The following TNFAIP8 variants were observed in gnomAD, a reference collection of about 807,000 sequenced individuals.
TNFAIP8 encodes the protein tumor necrosis factor alpha-induced protein 8.
TNFAIP8 carries 7 observed loss-of-function variants against 13.3 expected under a neutral mutation model. That is an observed-to-expected ratio of 0.52 (90% CI 0.30 to 0.99). The LOEUF (loss-of-function observed/expected upper bound fraction) is 0.99, where lower values mean the gene tolerates loss of function less well. Ranked by LOEUF, TNFAIP8 falls within the 50% of genes least tolerant of loss-of-function variation. The pLI, the probability that TNFAIP8 is intolerant of heterozygous loss-of-function variation, is 0.07. For synonymous variants in TNFAIP8, 94 were observed against 87.6 expected (o/e 1.07, Z -0.41); for missense variants, 258 against 236.9 (o/e 1.09, Z -0.58).
At position 119,287,560 on chromosome 5, in the gene TNFAIP8, A is replaced by T. The variant is rs149607606; in HGVS notation, c.1+18653A>T. ...TATATTAGATCTCCAGAACTTACTC[A>T]TCTTATAACTGAAGGTTTGTATCAA... On this transcript the variant is annotated intron_variant, in intron 1 of 1. Coordinates refer to the TNFAIP8 transcript ENST00000274456. Among the ~76,000 whole-genome samples, 348 of 152,138 alleles carry T rather than the reference A, an allele frequency of 2.3e-3. 6 individuals are homozygous for T. The highest frequency in any genetic ancestry group is 7.4e-3 in the African/African-American group (306 of 41,500).
intron 1 of TNFAIP8, among the ~76,000 whole-genome samples, chr5:119,285,024 A>C (rs1363141252): frequency 6.6e-6 from 1 of 151,574 alleles, no homozygotes; most frequent in Non-Finnish European, 1.5e-5. Context: ...TTTTTTTTCT[A>C]ATTTAAAGCA....
chr5:119,396,818 C>T lies in TNFAIP8; in HGVS notation c.*3437C>T, dbSNP rs779112025. The T allele has an allele frequency of 1.3e-5, 2 of 151,562 alleles. No individual in the cohort carries two copies. Among genetic ancestry groups the T allele is most frequent in the Non-Finnish European group, 2.9e-5 (2 of 67,934 alleles). 9.4% of individuals were successfully genotyped at this position (151,562 alleles called of 1,614,324 possible). A position where few individuals can be genotyped will look rare whatever the true frequency, so the allele number is the denominator to read the frequency against. On this transcript the variant is annotated 3_prime_UTR_variant, in exon 2 of 2. Transcript: ENST00000504771. ...GACCAGCCTGGCCAACGTGGTGAAA[C>T]CCCACTGCTACTAAAAATACACAAG...
At chr5:119,371,776 G>A (rs535423852) in intron 1 of TNFAIP8, among the ~76,000 whole-genome samples, 1 of 151,762 alleles carries the variant, frequency 6.6e-6, no homozygotes, top group East Asian at 1.9e-4. Flanking sequence ...CTGTAATCCT[G>A]GCACTTTGGG....
intron 1 of TNFAIP8, among the ~76,000 whole-genome samples, chr5:119,327,172 C>G (rs1181585286): frequency 6.6e-6 from 1 of 152,146 alleles, no homozygotes; most frequent in African/African-American, 2.4e-5. Context: ...TCCCAGACCC[C>G]CATTGGGAAT....
intron 1 of TNFAIP8, chr5:119,333,746 G>C (rs1337202126): frequency 2.1e-6 from 2 of 935,158 alleles, no homozygotes; most frequent in Non-Finnish European, 3.3e-6. Flanking sequence ...ATGTTTGGTC[G>C]TGGCTTTAGA....
chr5:119,341,696 C>T (rs764091500), intron 1 of TNFAIP8, among the ~76,000 whole-genome samples: 4 of 152,162 alleles, frequency 2.6e-5, no homozygotes, highest in Admixed American at 6.5e-5. Flanking sequence ...CATATCTTCA[C>T]GGAAGTCATT....
intron 1 of TNFAIP8, among the ~76,000 whole-genome samples, chr5:119,375,587 G>A (rs538748165): frequency 6.6e-6 from 1 of 152,260 alleles, no homozygotes; most frequent in South Asian, 2.1e-4. Flanking sequence ...ACCAGGGAAC[G>A]ACTATAATGA....
At chr5:119,355,764 G>A, upstream of TNFAIP8, 1 of 283,598 alleles carries the variant, frequency 3.5e-6, no homozygotes, top group Non-Finnish European at 5.9e-6. Flanking sequence ...GGGAGAGTCG[G>A]CTGCCGTCTG....
At chr5:119,302,328 A>G (rs776366431) in intron 1 of TNFAIP8, among the ~76,000 whole-genome samples, 2 of 152,224 alleles carry the variant, frequency 1.3e-5, no homozygotes, top group African/African-American at 2.4e-5. Context: ...AGAAATATGG[A>G]CATCCTTTTA....
chr5:119,339,677 G>A (rs1476943839), intron 1 of TNFAIP8, among the ~76,000 whole-genome samples: 1 of 151,990 alleles, frequency 6.6e-6, no homozygotes, highest in East Asian at 1.9e-4. Flanking sequence ...GGTACTAGAA[G>A]GTTTGGTAAG....
chr5:119,350,832 C>G (rs1162779196), intron 1 of TNFAIP8, among the ~76,000 whole-genome samples: 1 of 152,174 alleles, frequency 6.6e-6, no homozygotes, highest in African/African-American at 2.4e-5. Flanking sequence ...CTTCCCTCAT[C>G]TCCACACTCA....
chr5:119,367,726 A>G (rs1751913627), intron 1 of TNFAIP8, among the ~76,000 whole-genome samples: 1 of 152,220 alleles, frequency 6.6e-6, no homozygotes, highest in Non-Finnish European at 1.5e-5. Context: ...ATGACAAACC[A>G]GTTTCCAGGC....
intron 1 of TNFAIP8, among the ~76,000 whole-genome samples, chr5:119,392,201 T>C (rs529574091): frequency 3.3e-5 from 5 of 152,384 alleles, no homozygotes; most frequent in African/African-American, 1.2e-4. Context: ...TGGTAGGCAC[T>C]GGCCAATGTC....
intron 1 of TNFAIP8, chr5:119,391,369 A>G (rs1158708803): frequency 1.4e-6 from 1 of 702,312 alleles, no homozygotes. Context: ...ACCCAGGCCT[A>G]GGCTTAAACA....
chr5:119,332,125 G>A (rs558809188), intron 1 of TNFAIP8, among the ~76,000 whole-genome samples: 1 of 152,274 alleles, frequency 6.6e-6, no homozygotes, highest in Admixed American at 6.5e-5. Context: ...AAGAAAATAA[G>A]AAATACAGAG....
intron 1 of TNFAIP8, among the ~76,000 whole-genome samples, chr5:119,366,403 G>C (rs1018979678): frequency 1.3e-5 from 2 of 152,190 alleles, no homozygotes; most frequent in South Asian, 2.1e-4. Context: ...CCATAAACAA[G>C]GATGTGACAT....
intron 1 of TNFAIP8, among the ~76,000 whole-genome samples, chr5:119,338,784 C>G (rs1750641758): frequency 2.6e-5 from 4 of 152,128 alleles, no homozygotes; most frequent in African/African-American, 9.7e-5. Flanking sequence ...TTTGTTGGCT[C>G]ACATAACTGG....
intron 1 of TNFAIP8, among the ~76,000 whole-genome samples, chr5:119,291,361 A>G (rs1001183318): frequency 1.3e-5 from 2 of 152,248 alleles, no homozygotes; most frequent in Non-Finnish European, 2.9e-5. Context: ...TCGGCCTGTC[A>G]TGCATAATTT....
At chr5:119,356,955 C>T (rs1751451660) in intron 1 of TNFAIP8, among the ~76,000 whole-genome samples, 1 of 152,154 alleles carries the variant, frequency 6.6e-6, no homozygotes, top group Non-Finnish European at 1.5e-5. Context: ...AGAGAGGAGA[C>T]TATTCAAGAT....
Sources: gnomAD v4.1 joint callset for allele counts (sites outside exome capture counted in the v4.1 genomes callset) on GRCh38, gnomAD v4.1.1 for gene constraint, MANE v1.5 for transcripts, NCBI Gene and HGNC (gene_info 2026-07-23, HGNC 2026-07-21) for gene names.